Variants in CEP78 observed in about 807,000 individuals in gnomAD.
CEP78 encodes the protein centrosomal protein 78, also known as centrosomal protein of 78 kDa.
A neutral mutation model predicts 81.2 loss-of-function variants in CEP78; 76 were observed. The ratio of observed to expected loss-of-function variants is 0.94; its 90% CI spans 0.78 to 1.13. The LOEUF is 1.13. Ranked by LOEUF, CEP78 falls within the 50% of genes most tolerant of loss-of-function variation. The pLI is 0.00. For missense variants in CEP78, 918 were observed against 846.8 expected, an observed-to-expected ratio of 1.08 and a Z score of -1.04; for synonymous variants, 293 against 301.4, an observed-to-expected ratio of 0.97 and a Z score of 0.29.
At chr9:78,262,107 A>G (rs1827301663) in intron 11 of CEP78, among the ~76,000 whole-genome samples, 1 of 152,102 alleles carries the variant, frequency 6.6e-6, no homozygotes, top group African/African-American at 2.4e-5. Flanking sequence ...CTTATGGACC[A>G]TCTCCCAAGA....
intron 3 of CEP78, among the ~76,000 whole-genome samples, chr9:78,241,477 G>T (rs573564213): frequency 4.6e-5 from 7 of 152,172 alleles, no homozygotes; most frequent in African/African-American, 1.2e-4. Context: ...TTCAATTTTG[G>T]CATCTAAATA....
Position 78,236,196 on chromosome 9 carries a change from C to G in CEP78, c.-155C>G, listed in dbSNP as rs1305067564. Reference sequence around the variant, plus strand: ...GGCCTAGCTTGGGGCTCTGGCCTTGCGTCTTCCGACCGAATCACCGCTCCT... The same window carrying G: ...GGCCTAGCTTGGGGCTCTGGCCTTGGGTCTTCCGACCGAATCACCGCTCCT... On this transcript the variant is annotated 5_prime_UTR_variant, in exon 1 of 17. Transcript: ENST00000643273. The G allele has an allele frequency of 1.8e-5, 12 of 654,906 alleles. No individual in the cohort carries two copies. Among genetic ancestry groups the G allele is most frequent in the Middle Eastern group, 8.6e-4 (2 of 2,328 alleles). The allele number at this position is 654,906 out of a possible 1,614,324, so 40.6% of individuals were successfully genotyped here.
Position 78,273,260 on chromosome 9 carries a change from T to C in CEP78, c.*2409T>C, listed in dbSNP as rs759898050. 6.6e-6 allele frequency: 1 copy of C among 152,116 alleles called. No individual in the cohort carries two copies. Among genetic ancestry groups the C allele is most frequent in the African/African-American group, 2.4e-5 (1 of 41,428 alleles). The allele number at this position is 152,116 out of a possible 1,614,324, so 9.4% of individuals were successfully genotyped here. A position where few individuals can be genotyped will look rare whatever the true frequency, so the allele number is the denominator to read the frequency against. ...ATTTGCAAAATCTAAAACGCTGTCATAGATTATAAAGAGATGAACAAAAAT... is the reference window on the plus strand; with the variant it reads ...ATTTGCAAAATCTAAAACGCTGTCACAGATTATAAAGAGATGAACAAAAAT... On this transcript the variant is annotated 3_prime_UTR_variant, in exon 17 of 17. Coordinates refer to ENST00000643273, the MANE Select transcript of CEP78 (RefSeq NM_001330691.3).
rs1483202380 is a variant in CEP78, at chr9:78,266,689, A to C, written c.2093A>C (p.Lys698Thr). 3 of 1,612,136 alleles carry C rather than the reference A, an allele frequency of 1.9e-6. No homozygotes were observed. The South Asian group carries it at 3.3e-5, about 18-fold the overall frequency. The change falls in exon 16 of 17, where the codon AAA (lysine) becomes ACA (threonine). Residue 698 changes from lysine to threonine, a missense_variant. Coordinates refer to ENST00000643273, the MANE Select transcript of CEP78 (RefSeq NM_001330691.3). ...AGAAATAGCAGATCTTCTTCAGAGA[A>C]AAAGACCAAAACAGGTGAATATACC... ...LSRNSRSSSE[K>T]KTKTESH
In CEP78 at chr9:78,273,825, A is replaced by G. The variant is rs1827749124; in HGVS notation, c.*2974A>G. On this transcript the variant is annotated 3_prime_UTR_variant, in exon 17 of 17. Coordinates refer to ENST00000643273, the MANE Select transcript of CEP78 (RefSeq NM_001330691.3). Reference sequence around the variant, plus strand: ...GGAAAAATGGCCAGCCAGTTATAACAAGAAGCTTTAAGACATCTCTTTTCA... The same window carrying G: ...GGAAAAATGGCCAGCCAGTTATAACGAGAAGCTTTAAGACATCTCTTTTCA... The G allele has an allele frequency of 6.6e-6, 1 of 152,252 alleles. No homozygotes were observed. The highest frequency in any genetic ancestry group is 1.5e-5 in the Non-Finnish European group (1 of 68,052). The allele number at this position is 152,252 out of a possible 1,614,324, so 9.4% of individuals were successfully genotyped here.
At chr9:78,265,744 C>A in intron 14 of CEP78, 115 bp from the exon 15 acceptor site, 2 of 745,674 alleles carry the variant, frequency 2.7e-6, no homozygotes, top group East Asian at 5.4e-5. Context: ...TAAGAAAGTT[C>A]TTTTGAAACT....
rs1340784008 is a variant in CEP78 at position 78,243,674 on chromosome 9, T to C, written c.778+38T>C. 1.9e-6 allele frequency: 3 copies of C among 1,555,922 alleles called. No homozygotes were observed. In the African/African-American group the frequency reaches 4.1e-5, roughly 21 times the overall value. On this transcript the variant is annotated intron_variant, in intron 5 of 16. Transcript: ENST00000643273. ...AACTTGTAAGGTGGAAAATATTGAA[T>C]TTTTTGATATTAAATATGCTTAACT... is the stretch of plus-strand genomic sequence containing the variant.
intron 11 of CEP78, among the ~76,000 whole-genome samples, chr9:78,258,347 ATTAAC>A (rs1204197872): frequency 6.6e-6 from 1 of 152,204 alleles, no homozygotes; most frequent in African/African-American, 2.4e-5. Context: ...GAATATAAAT[ATTAAC>A]TTTAACAGTG....
chr9:78,265,459 T>C lies in CEP78; in HGVS notation c.1713T>C (p.Asn571=). The C allele has an allele frequency of 6.3e-7, 1 of 1,597,178 alleles. No individual in the cohort carries two copies. Among genetic ancestry groups the C allele is most frequent in the East Asian group, 2.2e-5 (1 of 44,508 alleles). ...CCCAGATGACTTCTACTGTTAGTAA[T>C]CCACCTAAAGAAGAAAAGAAGGCGC... The part of the protein sequence containing the change: ...GHPQMTSTVS[N]PPKEEKKALE... The change falls in exon 14 of 17, where the codon AAT becomes AAC. Residue 571 remains asparagine, a synonymous_variant. Coordinates refer to ENST00000643273, the MANE Select transcript of CEP78 (RefSeq NM_001330691.3).
In CEP78 at chr9:78,256,580, T is replaced by A. The variant is rs191690984; in HGVS notation, c.1380+1616T>A. ...TGGAGTCTCGCTCTGTCGCCCAGGC[T>A]GGAATGCAGTGGCGGGATCTCGGCT... On this transcript the variant is annotated intron_variant, in intron 11 of 16. Coordinates refer to ENST00000643273, the MANE Select transcript of CEP78 (RefSeq NM_001330691.3). Among the ~76,000 whole-genome samples, 683 of 138,840 alleles carry A rather than the reference T, an allele frequency of 4.9e-3. 6 individuals are homozygous for A. The highest frequency in any genetic ancestry group is 0.018 in the African/African-American group (656 of 36,638). The allele number at this position is 138,840 out of a possible 152,430, so 91.1% of individuals were successfully genotyped here.
rs745944134 is a variant in CEP78, at chr9:78,241,718, C to T, written c.522C>T (p.Ser174=). 5 of 1,595,084 alleles carry T rather than the reference C, an allele frequency of 3.1e-6. No homozygotes were observed. The South Asian group carries it at 4.5e-5, about 14-fold the overall frequency. ...TAGTTATTTGTCAAGGTATAAAGAG[C>T]TCTATCACTCTTAAGACAGTCAACT... ...GLEIICQGIK[S]SITLKTVNFT... is the part of the protein sequence containing the mutation. The change falls in exon 4 of 17, where the codon AGC becomes AGT. Residue 174 remains serine, a synonymous_variant. Transcript: ENST00000643273.
intron 16 of CEP78, among the ~76,000 whole-genome samples, chr9:78,268,680 CTTT>C (rs1221969870): frequency 7.7e-6 from 1 of 130,678 alleles, no homozygotes; most frequent in Non-Finnish European, 1.6e-5. Context: ...GGTTTCTTTT[CTTT>C]TTTTTTTTTT....
intron 11 of CEP78, among the ~76,000 whole-genome samples, chr9:78,255,797 A>G (rs1173162135): frequency 6.6e-6 from 1 of 152,200 alleles, no homozygotes; most frequent in Non-Finnish European, 1.5e-5. Context: ...GTGGTTTATT[A>G]CTAAGTTCCA....
chr9:78,254,998 A>T (rs777455854), intron 11 of CEP78, 34 bp downstream of exon 11: 2 of 1,574,162 alleles, frequency 1.3e-6, no homozygotes, highest in South Asian at 2.3e-5. Flanking sequence ...TATGGAGAAG[A>T]TCATTTCAAA....
chr9:78,266,525 A>C lies in CEP78; in HGVS notation c.1929A>C (p.Gly643=). The C allele has an allele frequency of 1.2e-6, 2 of 1,613,900 alleles. No homozygotes were observed. Among genetic ancestry groups the C allele is most frequent in the Non-Finnish European group, 1.7e-6 (2 of 1,179,848 alleles). Residue 643 remains glycine, a synonymous_variant, in exon 16 of 17, where the codon GGA becomes GGC. Coordinates refer to ENST00000643273, the MANE Select transcript of CEP78 (RefSeq NM_001330691.3). ...PVPVSTPEGL[G]TSSNNLGVPA... ...CAGTTTCTACTCCAGAGGGCTTAGG[A>C]ACTTCCAGCAACAACCTAGGAGTCC...
At chr9:78,251,767 T>G in intron 8 of CEP78, 141 bp from the exon 9 acceptor site, 1 of 485,058 alleles carries the variant, frequency 2.1e-6, no homozygotes, top group Non-Finnish European at 3.5e-6. Flanking sequence ...AAAAAGGTAT[T>G]TACAAATTGA....
intron 5 of CEP78, among the ~76,000 whole-genome samples, chr9:78,244,134 C>CTTTT (rs971743733): frequency 1.5e-4 from 17 of 110,738 alleles, no homozygotes; most frequent in Non-Finnish European, 2.4e-4. Context: ...ATTGAAGTTA[C>CTTTT]TTTTTTTTTT....
chr9:78,253,183 G>T, intron 9 of CEP78, 49 bp from the exon 10 acceptor site: 1 of 796,314 alleles, frequency 1.3e-6, no homozygotes, highest in Non-Finnish European at 2.2e-6. Flanking sequence ...GTGTTAACTG[G>T]TGGTGTATTT....
chr9:78,255,750 C>G (rs1279891928), intron 11 of CEP78, among the ~76,000 whole-genome samples: 1 of 152,088 alleles, frequency 6.6e-6, no homozygotes, highest in Non-Finnish European at 1.5e-5. Context: ...AGAATTGTCC[C>G]TATTATAAAT....
Sources: allele counts gnomAD v4.1 joint callset (sites outside exome capture counted in the v4.1 genomes callset), GRCh38; gene constraint gnomAD v4.1.1; transcripts MANE v1.5; gene names NCBI Gene and HGNC (gene_info 2026-07-23, HGNC 2026-07-21).